Variants in IFT52 observed in about 807,000 individuals in gnomAD.
The protein encoded by IFT52 is intraflagellar transport 52, also known as intraflagellar transport protein 52 homolog.
IFT52 carries 44 observed loss-of-function variants against 54.4 expected under a neutral mutation model. That is an observed-to-expected ratio of 0.81 (90% CI 0.63 to 1.04). The LOEUF is 1.04. Among genes scored for constraint, IFT52 ranks in the 50% least tolerant of loss-of-function variants. IFT52 has a pLI of 0.00. For missense variants in IFT52, 452 were observed against 523.6 expected, an observed-to-expected ratio of 0.86 and a Z score of 1.33; for synonymous variants, 181 against 185.3, an observed-to-expected ratio of 0.98 and a Z score of 0.19.
chr20:43,597,540 A>G (rs949751892), intron 3 of IFT52, among the ~76,000 whole-genome samples: 1 of 152,208 alleles, frequency 6.6e-6, no homozygotes, highest in Admixed American at 6.5e-5. Context: ...GTGGGAATGT[A>G]AAATGATGCA....
At chr20:43,609,770 C>T (rs1192779679) in intron 6 of IFT52, among the ~76,000 whole-genome samples, 3 of 109,466 alleles carry the variant, frequency 2.7e-5, no homozygotes, top group African/African-American at 1.1e-4. Context: ...AGCGAAACTC[C>T]GTCTCAAAAA....
chr20:43,604,463 C>G (rs1982701859), intron 5 of IFT52, among the ~76,000 whole-genome samples: 1 of 152,082 alleles, frequency 6.6e-6, no homozygotes, highest in Admixed American at 6.6e-5. Flanking sequence ...GTAATCCCAG[C>G]TACTCGGGAG....
At chr20:43,629,015 T>A (rs1452160787) in intron 10 of IFT52, among the ~76,000 whole-genome samples, 1 of 151,580 alleles carries the variant, frequency 6.6e-6, no homozygotes, top group African/African-American at 2.4e-5. Flanking sequence ...ACCAGTAGAG[T>A]GGTATGTTTT....
At chr20:43,598,552 G>A (rs1335744954) in intron 3 of IFT52, among the ~76,000 whole-genome samples, 4 of 152,024 alleles carry the variant, frequency 2.6e-5, no homozygotes, top group East Asian at 1.9e-4. Context: ...AAAATTAGCC[G>A]GGCTTGGTGG....
intron 12 of IFT52, among the ~76,000 whole-genome samples, chr20:43,641,068 T>C (rs984500151): frequency 3.1e-4 from 46 of 150,732 alleles, no homozygotes; most frequent in Non-Finnish European, 5.8e-4. Flanking sequence ...AGAAAGAAAT[T>C]ACAGTATAAT....
intron 12 of IFT52, among the ~76,000 whole-genome samples, chr20:43,637,925 GC>G (rs1985654939): frequency 6.6e-6 from 1 of 152,092 alleles, no homozygotes. Flanking sequence ...ATTGAGTAAG[GC>G]CCAAAGAATG....
At chr20:43,601,484 A>G (rs1349823092) in intron 3 of IFT52, among the ~76,000 whole-genome samples, 2 of 152,198 alleles carry the variant, frequency 1.3e-5, no homozygotes, top group Non-Finnish European at 2.9e-5. Flanking sequence ...GTCATAATTC[A>G]TGTAAGCTCC....
At chr20:43,622,804 GTAAATA>G (rs1158351090) in intron 9 of IFT52, among the ~76,000 whole-genome samples, 10 of 145,386 alleles carry the variant, frequency 6.9e-5, no homozygotes. Context: ...ATTTTTATAT[GTAAATA>G]TAAATATATA....
At chr20:43,607,091 C>T (rs978301197) in intron 6 of IFT52, among the ~76,000 whole-genome samples, 3 of 152,360 alleles carry the variant, frequency 2.0e-5, no homozygotes, top group Non-Finnish European at 2.9e-5. Context: ...TCTCAATGAG[C>T]TGTTGGGTAC....
At chr20:43,606,392 G>A (rs1982887541) in intron 6 of IFT52, among the ~76,000 whole-genome samples, 1 of 149,590 alleles carries the variant, frequency 6.7e-6, no homozygotes, top group South Asian at 2.1e-4. Context: ...TCCTGCCTCA[G>A]CCTCCCATGT....
chr20:43,630,836 G>A (rs575534374), intron 10 of IFT52, among the ~76,000 whole-genome samples: 6 of 152,286 alleles, frequency 3.9e-5, no homozygotes, highest in Admixed American at 6.5e-5. Flanking sequence ...TCCCTTACCC[G>A]GTTCCCATCA....
At chr20:43,619,910 C>CTTTTTTTTTTTTTTTTTTT (rs11482384) in intron 8 of IFT52, among the ~76,000 whole-genome samples, 2 of 82,776 alleles carry the variant, frequency 2.4e-5, no homozygotes, top group African/African-American at 9.8e-5. Flanking sequence ...AGATATTCTA[C>CTTTTTTTTTTTTTTTTTTT]TTTTTTTTTT....
At chr20:43,630,757 G>A (rs997780120) in intron 10 of IFT52, among the ~76,000 whole-genome samples, 3 of 152,146 alleles carry the variant, frequency 2.0e-5, no homozygotes, top group Admixed American at 6.5e-5. Context: ...CTAGTTCAGC[G>A]CCATTTCACA....
Position 43,624,077 on chromosome 20 carries a change from C to T in IFT52, c.923+32C>T, listed in dbSNP as rs755358030. ...ACCTGTGGGCCTCTGAGCCACACTG[C>T]ACTCCATTCTGAGTGTTTGGTTTGG... On this transcript the variant is annotated intron_variant, in intron 10 of 13. Transcript: ENST00000373030. 8.7e-6 allele frequency: 14 copies of T among 1,605,446 alleles called. No homozygotes were observed. The Admixed American group carries it at 2.4e-4, about 27-fold the overall frequency.
At chr20:43,607,567 C>T (rs1226945309) in intron 6 of IFT52, among the ~76,000 whole-genome samples, 5 of 145,084 alleles carry the variant, frequency 3.4e-5, no homozygotes, top group East Asian at 2.1e-4. Flanking sequence ...ACATCTCAGA[C>T]GATGGGCGGC....
In IFT52 at chr20:43,628,411, G is replaced by A. The variant is rs888878306; in HGVS notation, c.923+4366G>A. Reference sequence around the variant, plus strand: ...CAGACTTCCCAGCAGCTTTGTTTACGCTGTAAAGGGAAAATCGCCTACTCA... The same window carrying A: ...CAGACTTCCCAGCAGCTTTGTTTACACTGTAAAGGGAAAATCGCCTACTCA... On this transcript the variant is annotated intron_variant, in intron 10 of 13. Coordinates refer to ENST00000373030, the MANE Select transcript of IFT52 (RefSeq NM_016004.5). 4.6e-5 allele frequency among the ~76,000 whole-genome samples: 7 copies of A among 152,290 alleles called. 1 individual carries two copies. The highest frequency in any genetic ancestry group is 2.6e-4 in the Admixed American group (4 of 15,286).
intron 3 of IFT52, among the ~76,000 whole-genome samples, chr20:43,600,531 C>T (rs1376313551): frequency 1.3e-5 from 2 of 152,044 alleles, no homozygotes; most frequent in Non-Finnish European, 2.9e-5. Context: ...ATCTCGATCT[C>T]CTGGCCTTGT....
intron 12 of IFT52, among the ~76,000 whole-genome samples, chr20:43,639,340 C>A (rs980214122): frequency 6.6e-6 from 1 of 151,670 alleles, no homozygotes; most frequent in Non-Finnish European, 1.5e-5. Flanking sequence ...GATTTCAAGA[C>A]CAGCTTGGAC....
At chr20:43,619,061 G>A (rs991125085) in intron 8 of IFT52, 35 bp downstream of exon 8, 34 of 1,382,432 alleles carry the variant, frequency 2.5e-5, no homozygotes, top group Non-Finnish European at 3.0e-5. Flanking sequence ...AATATACAAT[G>A]TGTATTATTT....
Sources: gnomAD v4.1 joint callset for allele counts (sites outside exome capture counted in the v4.1 genomes callset) on GRCh38, gnomAD v4.1.1 for gene constraint, MANE v1.5 for transcripts, NCBI Gene and HGNC (gene_info 2026-07-23, HGNC 2026-07-21) for gene names.